Variants in CEP128 observed in about 807,000 individuals in gnomAD.
The protein encoded by CEP128 is centrosomal protein 128kDa.
In CEP128, 132 loss-of-function variants were observed where a neutral mutation model predicts 156.7. The observed-to-expected ratio is 0.84, with a 90% CI of 0.73 to 0.97. The LOEUF (loss-of-function observed/expected upper bound fraction) is 0.97, where lower values mean the gene tolerates loss of function less well. Ranked by LOEUF, CEP128 falls within the 50% of genes least tolerant of loss-of-function variation. The pLI is 0.00. For synonymous variants in CEP128, 469 were observed against 448.9 expected, an observed-to-expected ratio of 1.04 and a Z score of -0.57; for missense variants, 1,252 against 1,281.9, an observed-to-expected ratio of 0.98 and a Z score of 0.36.
intron 2 of CEP128, among the ~76,000 whole-genome samples, chr14:80,926,124 G>A (rs184924086): frequency 6.6e-6 from 1 of 152,288 alleles, no homozygotes; most frequent in Admixed American, 6.5e-5. Flanking sequence ...GGGGACAAAT[G>A]CCCTTGGTCA....
chr14:80,606,847 AT>A (rs1328944104), intron 19 of CEP128, among the ~76,000 whole-genome samples: 7 of 152,014 alleles, frequency 4.6e-5, no homozygotes, highest in Non-Finnish European at 1.0e-4. Context: ...AATGTATATA[AT>A]ATCTGCTCAA....
At chr14:80,837,488 G>A (rs1307609684) in intron 11 of CEP128, among the ~76,000 whole-genome samples, 9 of 152,204 alleles carry the variant, frequency 5.9e-5, no homozygotes, top group Non-Finnish European at 1.2e-4. Flanking sequence ...GGAGGCCGAG[G>A]TGGGGAATCA....
chr14:80,532,199 A>ATT (rs1251474239), intron 21 of CEP128, among the ~76,000 whole-genome samples: 2 of 151,758 alleles, frequency 1.3e-5, no homozygotes, highest in African/African-American at 4.9e-5. Context: ...ATATATATAT[A>ATT]TATTTTTTTT....
chr14:80,844,153 A>C (rs1265508312), intron 9 of CEP128, among the ~76,000 whole-genome samples: 1 of 152,026 alleles, frequency 6.6e-6, no homozygotes, highest in East Asian at 1.9e-4. Context: ...CTGTGCCAAC[A>C]AAAACCAAAA....
chr14:80,707,992 A>C (rs762015394), intron 19 of CEP128, among the ~76,000 whole-genome samples: 3 of 152,166 alleles, frequency 2.0e-5, no homozygotes, highest in Non-Finnish European at 4.4e-5. Flanking sequence ...AGTAGCATAT[A>C]AGTCATTTAT....
chr14:80,810,323 CAAAAAAAA>C (rs71103883), intron 13 of CEP128, among the ~76,000 whole-genome samples: 21 of 15,206 alleles, frequency 1.4e-3, no homozygotes, highest in East Asian at 5.4e-3. Flanking sequence ...ACTCCATCTC[CAAAAAAAA>C]AAAAAAAAAA....
chr14:80,563,524 C>CTT (rs540593415), intron 20 of CEP128, among the ~76,000 whole-genome samples: 4,874 of 78,778 alleles, frequency 0.062, 975 homozygotes, highest in African/African-American at 0.11. Context: ...GCCTCCAAAT[C>CTT]TTTTTTTTTT....
At chr14:80,581,094 G>T (rs1023837970) in intron 19 of CEP128, among the ~76,000 whole-genome samples, 1 of 152,166 alleles carries the variant, frequency 6.6e-6, no homozygotes, top group Admixed American at 6.5e-5. Context: ...CATGTATACA[G>T]CCATGGTGTC....
chr14:80,553,920 T>A (rs1487684730), intron 21 of CEP128, among the ~76,000 whole-genome samples: 1 of 152,204 alleles, frequency 6.6e-6, no homozygotes, highest in African/African-American at 2.4e-5. Context: ...AGTTGTGGAA[T>A]AGCACATCCT....
chr14:80,520,440 AC>A (rs1453790501), intron 23 of CEP128, among the ~76,000 whole-genome samples: 1 of 125,018 alleles, frequency 8.0e-6, no homozygotes, highest in African/African-American at 2.6e-5. Flanking sequence ...AAACAAACAA[AC>A]AAAAAACAAC....
At chr14:80,573,489 A>G (rs991230562) in intron 20 of CEP128, among the ~76,000 whole-genome samples, 3 of 152,140 alleles carry the variant, frequency 2.0e-5, no homozygotes, top group African/African-American at 7.2e-5. Flanking sequence ...ATCAACTTCG[A>G]TATATTCAGA....
intron 18 of CEP128, among the ~76,000 whole-genome samples, chr14:80,750,669 T>C (rs559836877): frequency 6.6e-6 from 1 of 152,314 alleles, no homozygotes; most frequent in Non-Finnish European, 1.5e-5. Flanking sequence ...TTACTACCTA[T>C]GGTCACTGCT....
chr14:80,787,100 G>A (rs1901449615), intron 14 of CEP128, among the ~76,000 whole-genome samples: 1 of 152,168 alleles, frequency 6.6e-6, no homozygotes, highest in African/African-American at 2.4e-5. Flanking sequence ...AGACTTAGTA[G>A]CTTAAAATAC....
At chr14:80,890,268 A>G (rs923816981) in intron 8 of CEP128, among the ~76,000 whole-genome samples, 2 of 152,200 alleles carry the variant, frequency 1.3e-5, no homozygotes, top group Non-Finnish European at 2.9e-5. Flanking sequence ...CAGCAACCCC[A>G]TTACTGGGTG....
intron 19 of CEP128, among the ~76,000 whole-genome samples, chr14:80,637,683 C>T (rs753465211): frequency 2.0e-5 from 3 of 152,088 alleles, no homozygotes; most frequent in Non-Finnish European, 4.4e-5. Context: ...GGTCTTAAAC[C>T]GTGAAACCTG....
Position 80,743,116 on chromosome 14 carries a change from C to T in CEP128, c.2765G>A (p.Arg922Lys). ...ELQCLFQQIE[R>K]QEQLLDEIHR... Reference sequence around the variant, plus strand: ...TATTTCATCCAGAAGCTGCTCCTGCCTTTCTATCTGTTGAAAGAGACACTG... The same window carrying T: ...TATTTCATCCAGAAGCTGCTCCTGCTTTTCTATCTGTTGAAAGAGACACTG... The change falls in exon 19 of 25, where the codon AGG becomes AAG. Residue 922 changes from arginine to lysine, a missense_variant. By Grantham distance (26) the Arg-to-Lys change is conservative. Coordinates refer to ENST00000555265, the MANE Select transcript of CEP128 (RefSeq NM_152446.5). The T allele has an allele frequency of 6.2e-7, 1 of 1,613,786 alleles. No homozygotes were observed. Among genetic ancestry groups the T allele is most frequent in the Non-Finnish European group, 8.5e-7 (1 of 1,179,846 alleles).
intron 19 of CEP128, among the ~76,000 whole-genome samples, chr14:80,691,503 A>C (rs1382917803): frequency 6.6e-6 from 1 of 152,284 alleles, no homozygotes; most frequent in African/African-American, 2.4e-5. Flanking sequence ...TCAACAGTTG[A>C]TTGGGGCTGA....
chr14:80,528,896 C>T (rs1889100406), intron 22 of CEP128, among the ~76,000 whole-genome samples: 1 of 152,194 alleles, frequency 6.6e-6, no homozygotes, highest in African/African-American at 2.4e-5. Context: ...TAATCCACAT[C>T]TAATAATCTC....
chr14:80,483,544 G>T (rs1444076541), intron 14 of CEP128, among the ~76,000 whole-genome samples: 1 of 152,196 alleles, frequency 6.6e-6, no homozygotes, highest in African/African-American at 2.4e-5. Context: ...GAATTTAAAT[G>T]AATACAGTCA....
Sources: allele counts gnomAD v4.1 joint callset (sites outside exome capture counted in the v4.1 genomes callset), GRCh38; gene constraint gnomAD v4.1.1; transcripts MANE v1.5; gene names NCBI Gene and HGNC (gene_info 2026-07-23, HGNC 2026-07-21).